SUPT3H: variants seen among roughly 807,000 people sequenced by gnomAD.
SUPT3H encodes the protein SPT3 homolog, SAGA and STAGA complex component.
Under a neutral mutation model 44.3 loss-of-function variants are expected in SUPT3H, and 44 were observed. The observed-to-expected ratio is 0.99, with a 90% confidence interval of 0.78 to 1.28. The LOEUF (loss-of-function observed/expected upper bound fraction) is 1.28, where lower values mean the gene tolerates loss of function less well. Ranked by LOEUF, SUPT3H falls within the 50% of genes most tolerant of loss-of-function variation. The pLI is 0.00. For missense variants in SUPT3H, 380 were observed against 387.1 expected, an observed-to-expected ratio of 0.98 and a Z score of 0.15; for synonymous variants, 124 against 125.6, an observed-to-expected ratio of 0.99 and a Z score of 0.09.
rs578017488 is a variant in SUPT3H at position 44,954,848 on chromosome 6, TAC to T, written c.581-243_581-242del. Among the ~76,000 whole-genome samples, 385 of 152,344 alleles carry T rather than the reference TAC, an allele frequency of 2.5e-3. 2 individuals are homozygous for T. The highest frequency in any genetic ancestry group is 8.4e-3 in the African/African-American group (351 of 41,572). ...TCTTACGTATTTGGGTCTTTTATTT[TAC>T]ACCTATGCTATATGACATAGTATAT... On this transcript the variant is annotated intron_variant, in intron 7 of 10. Transcript: ENST00000371459.
chr6:44,880,623 T>A (rs564697828), intron 10 of SUPT3H, among the ~76,000 whole-genome samples: 1 of 152,030 alleles, frequency 6.6e-6, no homozygotes, highest in East Asian at 1.9e-4. Context: ...AGACACATAA[T>A]CATCAGATTC....
At chr6:44,951,249 T>G (rs1159874440) in intron 9 of SUPT3H, among the ~76,000 whole-genome samples, 2 of 151,956 alleles carry the variant, frequency 1.3e-5, no homozygotes, top group Non-Finnish European at 2.9e-5. Context: ...TTTTTTTTTT[T>G]TTTAAACTTC....
At chr6:44,847,615 G>A (rs1354380314) in intron 10 of SUPT3H, among the ~76,000 whole-genome samples, 1 of 151,922 alleles carries the variant, frequency 6.6e-6, no homozygotes, top group Non-Finnish European at 1.5e-5. Flanking sequence ...AGCCTTCTGA[G>A]TAGCTGGGAC....
intron 10 of SUPT3H, among the ~76,000 whole-genome samples, chr6:44,880,759 G>A (rs1762570597): frequency 6.6e-6 from 1 of 152,190 alleles, no homozygotes; most frequent in Non-Finnish European, 1.5e-5. Context: ...CCAGAAGAGA[G>A]TGGGGGCCAA....
chr6:45,125,609 A>G (rs1179742204), intron 2 of SUPT3H, among the ~76,000 whole-genome samples: 1 of 152,070 alleles, frequency 6.6e-6, no homozygotes, highest in African/African-American at 2.4e-5. Context: ...GATTTCAGGG[A>G]TAGTTATGAT....
chr6:44,937,100 G>T (rs1278642700), intron 9 of SUPT3H, among the ~76,000 whole-genome samples: 7 of 152,192 alleles, frequency 4.6e-5, no homozygotes, highest in Non-Finnish European at 8.8e-5. Flanking sequence ...AAACATATGA[G>T]AGGAGGTATC....
At chr6:44,887,976 G>T (rs1168579031) in intron 10 of SUPT3H, among the ~76,000 whole-genome samples, 6 of 152,142 alleles carry the variant, frequency 3.9e-5, no homozygotes, top group Non-Finnish European at 8.8e-5. Flanking sequence ...TACCATCAGA[G>T]AATACTACAA....
chr6:45,229,129 T>C (rs1036566397), intron 2 of SUPT3H, among the ~76,000 whole-genome samples: 1 of 152,202 alleles, frequency 6.6e-6, no homozygotes, highest in African/African-American at 2.4e-5. Context: ...TCCTTTTTTA[T>C]AAAAATCATG....
At chr6:45,323,607 T>C (rs551315841) in intron 2 of SUPT3H, among the ~76,000 whole-genome samples, 43 of 152,210 alleles carry the variant, frequency 2.8e-4, no homozygotes, top group Non-Finnish European at 5.7e-4. Context: ...TAACGAAATA[T>C]ACATGACTAT....
intron 1 of SUPT3H, among the ~76,000 whole-genome samples, chr6:45,368,288 T>C (rs1369662065): frequency 3.9e-5 from 6 of 152,312 alleles, no homozygotes; most frequent in Admixed American, 6.5e-5. Context: ...ATCTGATTAA[T>C]AGTATTTAAA....
chr6:45,024,370 T>C (rs924712501), intron 3 of SUPT3H, among the ~76,000 whole-genome samples: 21 of 152,120 alleles, frequency 1.4e-4, no homozygotes, highest in African/African-American at 4.8e-4. Context: ...CAATTTCTGT[T>C]TATTTTGTTG....
intron 5 of SUPT3H, among the ~76,000 whole-genome samples, chr6:45,008,878 T>C (rs923935563): frequency 2.6e-5 from 4 of 152,144 alleles, no homozygotes; most frequent in African/African-American, 4.8e-5. Context: ...TAACTGGGAT[T>C]ACAGGCACAC....
chr6:45,287,415 A>T (rs530160954), intron 2 of SUPT3H, among the ~76,000 whole-genome samples: 49 of 152,200 alleles, frequency 3.2e-4, no homozygotes, highest in Non-Finnish European at 5.9e-4. Context: ...CATATAAGGC[A>T]TTTAGCCTTA....
intron 3 of SUPT3H, chr6:45,097,653 A>G (rs1797979693): frequency 6.6e-6 from 1 of 152,202 alleles, no homozygotes; most frequent in Admixed American, 6.5e-5. Flanking sequence ...GGTTCCTGCT[A>G]TGCAAATACA....
intron 2 of SUPT3H, among the ~76,000 whole-genome samples, chr6:45,264,282 T>A (rs1472660510): frequency 2.6e-5 from 4 of 152,208 alleles, no homozygotes; most frequent in African/African-American, 9.6e-5. Context: ...AGTATTTTTA[T>A]ATACATTTTT....
chr6:45,212,654 A>G (rs1000130750), intron 2 of SUPT3H, among the ~76,000 whole-genome samples: 2 of 152,172 alleles, frequency 1.3e-5, no homozygotes, highest in Non-Finnish European at 2.9e-5. Flanking sequence ...TATAGAATGT[A>G]GTACTAATCA....
intron 2 of SUPT3H, among the ~76,000 whole-genome samples, chr6:45,248,126 A>T (rs539569535): frequency 2.7e-4 from 41 of 152,282 alleles, no homozygotes; most frequent in African/African-American, 9.4e-4. Flanking sequence ...TATACAAAAA[A>T]ACTACGAATC....
intron 2 of SUPT3H, among the ~76,000 whole-genome samples, chr6:45,208,082 A>G (rs544103059): frequency 4.6e-5 from 7 of 152,338 alleles, no homozygotes; most frequent in Non-Finnish European, 5.9e-5. Flanking sequence ...GGAGGAAATC[A>G]GAAGTGCTAC....
chr6:45,044,325 C>T (rs993515708), intron 3 of SUPT3H, among the ~76,000 whole-genome samples: 1 of 152,164 alleles, frequency 6.6e-6, no homozygotes, highest in Non-Finnish European at 1.5e-5. Flanking sequence ...TTTTGTCTAG[C>T]TAACTCCTAT....
Sources: gnomAD v4.1 joint callset for allele counts (sites outside exome capture counted in the v4.1 genomes callset) on GRCh38, gnomAD v4.1.1 for gene constraint, MANE v1.5 for transcripts, NCBI Gene and HGNC (gene_info 2026-07-23, HGNC 2026-07-21) for gene names.